Variants in LPIN1 observed in about 807,000 individuals in gnomAD.
The protein encoded by LPIN1 is phosphatidate phosphatase LPIN1.
Under a neutral mutation model 107.5 loss-of-function variants are expected in LPIN1, and 71 were observed. The ratio of observed to expected loss-of-function variants is 0.66; its 90% confidence interval spans 0.55 to 0.80. The LOEUF is 0.80. Ranked by LOEUF, LPIN1 falls within the 30% of genes least tolerant of loss-of-function variation. LPIN1 has a pLI of 0.00. For synonymous variants in LPIN1, 445 were observed against 452.6 expected (o/e 0.98, Z 0.21); for missense variants, 1,043 against 1,160.6 (o/e 0.90, Z 1.47).
At chr2:11,711,929 G>T (rs1663438331) in intron 1 of LPIN1, among the ~76,000 whole-genome samples, 2 of 152,172 alleles carry the variant, frequency 1.3e-5, no homozygotes, top group Non-Finnish European at 2.9e-5. Context: ...CTGTAGCCAA[G>T]ACTCCAGTCC....
At chr2:11,789,575 CGT>C (rs143313691) in intron 12 of LPIN1, among the ~76,000 whole-genome samples, 1 of 147,576 alleles carries the variant, frequency 6.8e-6, no homozygotes, top group African/African-American at 2.5e-5. Context: ...TGTGTGTGTG[CGT>C]GTGTGTGTGT....
At chr2:11,725,597 G>A (rs541546707) in intron 1 of LPIN1, among the ~76,000 whole-genome samples, 1 of 152,238 alleles carries the variant, frequency 6.6e-6, no homozygotes, top group East Asian at 1.9e-4. Flanking sequence ...ATGTAACCCT[G>A]GGAACCATTA....
chr2:11,787,512 C>T (rs1246187177), intron 11 of LPIN1, among the ~76,000 whole-genome samples: 13 of 150,928 alleles, frequency 8.6e-5, no homozygotes, highest in African/African-American at 2.7e-4. Flanking sequence ...GAGATCTTCC[C>T]ACCTCCGCCT....
rs34156190 is a variant in LPIN1, at chr2:11,752,433, A to ATTTTTTTTTTTTTTTTTTTTT, written c.-10+5778_-10+5779insTTTTTTTTTTTTTTTTTTTTT. On this transcript the variant is annotated intron_variant, in intron 1 of 20. Transcript: ENST00000674199. ...TTTTCTTTTGAGCTGTTCCAAGGCC[A>ATTTTTTTTTTTTTTTTTTTTT]TTTTTTTTTTTTTTTTGAGACGGAG... 1.7e-4 allele frequency among the ~76,000 whole-genome samples: 18 copies of ATTTTTTTTTTTTTTTTTTTTT among 103,866 alleles called. 4 individuals are homozygous for ATTTTTTTTTTTTTTTTTTTTT. The highest frequency in any genetic ancestry group is 1.0e-3 in the African/African-American group (18 of 17,696). 68.1% of individuals were successfully genotyped at this position (103,866 alleles called of 152,430 possible).
chr2:11,778,048 C>T (rs1427609194), intron 6 of LPIN1, among the ~76,000 whole-genome samples: 1 of 152,208 alleles, frequency 6.6e-6, no homozygotes, highest in African/African-American at 2.4e-5. Flanking sequence ...GCTTCAGTGC[C>T]ACCAAAGCGT....
rs1183513163 is a variant in LPIN1, at chr2:11,826,205, G to C, written c.*1414G>C. The C allele has an allele frequency of 2.0e-5, 3 of 152,422 alleles. No individual in the cohort carries two copies. The highest frequency in any genetic ancestry group is 4.4e-5 in the Non-Finnish European group (3 of 67,968). The allele number at this position is 152,422 out of a possible 1,614,324, so 9.4% of individuals were successfully genotyped here. A position where few individuals can be genotyped will look rare whatever the true frequency, so the allele number is the denominator to read the frequency against. On this transcript the variant is annotated 3_prime_UTR_variant, in exon 21 of 21. Transcript: ENST00000674199. ...TTAAATTTCATTGTTAGAATCACAG[G>C]AGGCAAAAAATGGAACGGTTGAATG...
intron 11 of LPIN1, among the ~76,000 whole-genome samples, chr2:11,787,392 CTTTTTCTTTTTTTTTT>C (rs1331432167): frequency 1.8e-5 from 2 of 113,692 alleles, no homozygotes; most frequent in African/African-American, 7.7e-5. Flanking sequence ...CTTTTCTTTT[CTTTTTCTTTTTTTTTT>C]TTTTTTTTTT....
intron 1 of LPIN1, among the ~76,000 whole-genome samples, chr2:11,677,914 A>G (rs191572776): frequency 4.5e-4 from 68 of 152,390 alleles, no homozygotes; most frequent in Non-Finnish European, 6.9e-4. Context: ...ACAGGCTCCT[A>G]TTCAGAAGGC....
intron 20 of LPIN1, among the ~76,000 whole-genome samples, chr2:11,822,384 A>G (rs1486291777): frequency 3.3e-5 from 5 of 151,136 alleles, no homozygotes; most frequent in Non-Finnish European, 7.4e-5. Flanking sequence ...CAGGAGACGG[A>G]GGTTGCAGTG....
intron 14 of LPIN1, among the ~76,000 whole-genome samples, chr2:11,796,789 C>G (rs1034736034): frequency 2.0e-5 from 3 of 152,192 alleles, no homozygotes; most frequent in Admixed American, 6.5e-5. Flanking sequence ...GGACATGCCA[C>G]CCTCTGAGCA....
chr2:11,764,680 A>G (rs1670502529), intron 1 of LPIN1, among the ~76,000 whole-genome samples: 1 of 152,238 alleles, frequency 6.6e-6, no homozygotes, highest in Admixed American at 6.5e-5. Flanking sequence ...ATTGTCACAA[A>G]CAAAAATCAT....
chr2:11,759,754 C>T lies in LPIN1; in HGVS notation c.-9-5779C>T, dbSNP rs755413759. On this transcript the variant is annotated intron_variant, in intron 1 of 20. Coordinates refer to ENST00000674199, the MANE Select transcript of LPIN1 (RefSeq NM_001349206.2). ...GGGGCTCCTCACTTCCCAGAAGGGG[C>T]GGCTGGGCAGAGGCGCCCCCCACCT... Among the ~76,000 whole-genome samples, 421 of 147,274 alleles carry T rather than the reference C, an allele frequency of 2.9e-3. 1 individual carries two copies. Among genetic ancestry groups the T allele is most frequent in the Middle Eastern group, 0.026 (7 of 272 alleles).
At chr2:11,806,611 C>T (rs934173874) in intron 17 of LPIN1, among the ~76,000 whole-genome samples, 2 of 152,026 alleles carry the variant, frequency 1.3e-5, no homozygotes, top group Admixed American at 6.6e-5. Context: ...CTTCAGATGT[C>T]ATCTTAGATG....
chr2:11,775,047 GCAAT>G (rs575354677), intron 5 of LPIN1, among the ~76,000 whole-genome samples: 62 of 150,632 alleles, frequency 4.1e-4, no homozygotes, highest in Non-Finnish European at 8.0e-4. Flanking sequence ...ATTTCAACAA[GCAAT>G]CAATTTTAAA....
rs1280789966 is a variant in LPIN1 at position 11,784,879 on chromosome 2, CT to C, written c.1359-5del. 6 of 1,613,696 alleles carry C rather than the reference CT, an allele frequency of 3.7e-6. No homozygotes were observed. In the African/African-American group the frequency reaches 8.0e-5, roughly 22 times the overall value. ...CAGCCGGTCTCTGCCGCTTTTCCTC[CT>C]TCCAGCGGAGATCCTTCCGGACTCG... On this transcript the variant is annotated splice_polypyrimidine_tract_variant and splice_region_variant and intron_variant, in intron 9 of 20. Coordinates refer to ENST00000674199, the MANE Select transcript of LPIN1 (RefSeq NM_001349206.2).
chr2:11,788,927 C>A (rs993842510), intron 12 of LPIN1, among the ~76,000 whole-genome samples: 4 of 152,158 alleles, frequency 2.6e-5, no homozygotes, highest in African/African-American at 7.2e-5. Flanking sequence ...CAGTACAGGG[C>A]CTGGACAGCT....
intron 17 of LPIN1, among the ~76,000 whole-genome samples, chr2:11,811,208 G>T (rs1239846577): frequency 6.6e-6 from 1 of 152,198 alleles, no homozygotes; most frequent in Non-Finnish European, 1.5e-5. Context: ...GAGTGAGTGT[G>T]CACTGAAGGG....
At chr2:11,743,159 A>C (rs1666541810), upstream of LPIN1, among the ~76,000 whole-genome samples, 1 of 152,128 alleles carries the variant, frequency 6.6e-6, no homozygotes, top group Non-Finnish European at 1.5e-5. The surrounding 1 kb of genome is among the most constrained non-coding windows in gnomAD (Gnocchi z 4.7). Context: ...TCCCCTTTGT[A>C]GCCCCCAGTG....
In LPIN1 at chr2:11,803,272, A is replaced by C. The variant is rs1678103276; in HGVS notation, c.2013+239A>C. ...TTGCTGGCCTGGCCCTGGAGGATCT[A>C]GTTTACTAGAGTTAGGAGGAAGGCA... On this transcript the variant is annotated intron_variant, in intron 15 of 20. Coordinates refer to ENST00000674199, the MANE Select transcript of LPIN1 (RefSeq NM_001349206.2). The surrounding 1 kb of genome is among the most constrained non-coding windows in gnomAD (Gnocchi z 4.2). 6.6e-6 allele frequency among the ~76,000 whole-genome samples: 1 copy of C among 152,080 alleles called. No individual in the cohort carries two copies. Among genetic ancestry groups the C allele is most frequent in the South Asian group, 2.1e-4 (1 of 4,822 alleles).
Sources: allele counts gnomAD v4.1 joint callset (sites outside exome capture counted in the v4.1 genomes callset), GRCh38; gene constraint gnomAD v4.1.1; non-coding constraint Gnocchi (gnomAD v3.1); transcripts MANE v1.5; gene names NCBI Gene and HGNC (gene_info 2026-07-23, HGNC 2026-07-21).